Variants in EXOC2 observed in about 807,000 individuals in gnomAD.
EXOC2 encodes exocyst complex component 2, also known as SEC5-like 1.
EXOC2 carries 70 observed loss-of-function variants against 131.8 expected under a neutral mutation model. That is an observed-to-expected ratio of 0.53 (90% confidence interval 0.44 to 0.65). EXOC2 has a LOEUF of 0.65. Ranked by LOEUF, EXOC2 falls within the 30% of genes least tolerant of loss-of-function variation. EXOC2 has a pLI of 0.00. For synonymous variants in EXOC2, 411 were observed against 398.4 expected (o/e 1.03, Z -0.38); for missense variants, 923 against 1,108.6 (o/e 0.83, Z 2.38).
chr6:655,025 G>C (rs1188393312), intron 1 of EXOC2, among the ~76,000 whole-genome samples: 1 of 152,064 alleles, frequency 6.6e-6, no homozygotes, highest in Non-Finnish European at 1.5e-5. Flanking sequence ...GTATAAACTT[G>C]GTTGATAAAC....
intron 23 of EXOC2, among the ~76,000 whole-genome samples, chr6:522,397 T>G (rs1464995877): frequency 6.9e-6 from 1 of 145,958 alleles, no homozygotes; most frequent in East Asian, 2.1e-4. Context: ...TGGGGAGCAC[T>G]GTGAGCTGGG....
At chr6:497,970 G>C (rs1424707147) in intron 24 of EXOC2, among the ~76,000 whole-genome samples, 1 of 152,068 alleles carries the variant, frequency 6.6e-6, no homozygotes, top group Non-Finnish European at 1.5e-5. Flanking sequence ...TACACATACT[G>C]TACTCAATAT....
At chr6:628,947 A>G (rs1761713215) in intron 4 of EXOC2, among the ~76,000 whole-genome samples, 2 of 152,200 alleles carry the variant, frequency 1.3e-5, no homozygotes, top group South Asian at 2.1e-4. Context: ...TGAAGCTGCT[A>G]AGCCCCAGAC....
chr6:683,138 A>C (rs1028109585), intron 1 of EXOC2, among the ~76,000 whole-genome samples: 1 of 152,226 alleles, frequency 6.6e-6, no homozygotes, highest in African/African-American at 2.4e-5. Flanking sequence ...CAAGCTAAAC[A>C]GACTGACCTT....
At chr6:662,954 G>A (rs532119966) in intron 1 of EXOC2, among the ~76,000 whole-genome samples, 1 of 152,078 alleles carries the variant, frequency 6.6e-6, no homozygotes, top group African/African-American at 2.4e-5. Flanking sequence ...TCACACCACT[G>A]CACTCCAGCC....
intron 22 of EXOC2, among the ~76,000 whole-genome samples, chr6:548,728 A>C (rs538984614): frequency 6.6e-6 from 1 of 152,340 alleles, no homozygotes; most frequent in East Asian, 1.9e-4. Flanking sequence ...GAGGTCATAC[A>C]GAAAGGGAGA....
chr6:629,606 A>G (rs1761743093), intron 4 of EXOC2, among the ~76,000 whole-genome samples: 1 of 152,230 alleles, frequency 6.6e-6, no homozygotes, highest in South Asian at 2.1e-4. Context: ...TGCAAAATCA[A>G]AAAACTGAAG....
intron 13 of EXOC2, among the ~76,000 whole-genome samples, chr6:566,903 G>GAA (rs1757995697): frequency 2.6e-5 from 4 of 152,082 alleles, no homozygotes; most frequent in African/African-American, 7.2e-5. Flanking sequence ...GGTCTTTCTG[G>GAA]CTTGGCATAC....
chr6:489,012 G>A lies in EXOC2; in HGVS notation c.2648C>T (p.Ala883Val), dbSNP rs771285768. The A allele has an allele frequency of 1.2e-6, 2 of 1,613,962 alleles. No homozygotes were observed. The highest frequency in any genetic ancestry group is 1.1e-5 in the South Asian group (1 of 91,022). The change falls in exon 27 of 28, where the codon GCC becomes GTC. Residue 883 changes from alanine to valine, a missense_variant. By Grantham distance (64) the Ala-to-Val change is moderately conservative. Transcript: ENST00000230449. ...SKSSFKQALE[A>V]LPQLSSGADK... ...TGCTCCACTGGAAAGCTGGGGCAGG[G>A]CTTCCAAAGCCTGCTTAAAACTTGA...
At chr6:513,083 C>T (rs1764942717) in intron 23 of EXOC2, among the ~76,000 whole-genome samples, 1 of 152,212 alleles carries the variant, frequency 6.6e-6, no homozygotes, top group African/African-American at 2.4e-5. Flanking sequence ...TCAGGTATTT[C>T]CAGCAGAGCC....
intron 24 of EXOC2, 95 bp from the exon 25 acceptor site, chr6:497,584 T>C: frequency 1.4e-6 from 2 of 1,453,688 alleles, no homozygotes; most frequent in Admixed American, 2.4e-5. Flanking sequence ...CAAAAGAAAA[T>C]CAACAGGACT....
chr6:644,847 A>G (rs1053016825), intron 1 of EXOC2, among the ~76,000 whole-genome samples: 2 of 152,192 alleles, frequency 1.3e-5, no homozygotes, highest in East Asian at 3.8e-4. Context: ...AAAGACCTAA[A>G]TAAGTGAAGA....
At chr6:657,229 A>C in intron 1 of EXOC2, 1 of 317,412 alleles carries the variant, frequency 3.2e-6, no homozygotes, top group Non-Finnish European at 5.7e-6. Context: ...TAGGCATTCC[A>C]CTGCTGAAAC....
intron 9 of EXOC2, 62 bp downstream of exon 9, chr6:598,798 A>G: frequency 7.5e-7 from 1 of 1,341,080 alleles, no homozygotes; most frequent in Non-Finnish European, 1.0e-6. Flanking sequence ...TTTGCAGAAC[A>G]CATTCCACAT....
At chr6:545,808 C>G (rs1360626170) in intron 22 of EXOC2, among the ~76,000 whole-genome samples, 1 of 152,096 alleles carries the variant, frequency 6.6e-6, no homozygotes, top group Non-Finnish European at 1.5e-5. Context: ...TAAAAATAAC[C>G]TTAAGGTTAC....
chr6:535,866 C>T (rs1325874042), intron 22 of EXOC2, among the ~76,000 whole-genome samples: 2 of 152,156 alleles, frequency 1.3e-5, no homozygotes, highest in African/African-American at 4.8e-5. Flanking sequence ...CGCCAATAGC[C>T]TTCATGAACA....
At chr6:529,549 C>T (rs765080525) in intron 23 of EXOC2, among the ~76,000 whole-genome samples, 20 of 152,126 alleles carry the variant, frequency 1.3e-4, no homozygotes, top group East Asian at 3.8e-4. Context: ...ATCACTGAAG[C>T]GCAGGAAACT....
chr6:522,454 C>T (rs1765522458), intron 23 of EXOC2, among the ~76,000 whole-genome samples: 1 of 148,590 alleles, frequency 6.7e-6, no homozygotes, highest in Non-Finnish European at 1.5e-5. Flanking sequence ...CTCTAGGTCT[C>T]AGGCAGGTCC....
At chr6:526,137 A>ACACACACACG (rs988711304) in intron 23 of EXOC2, among the ~76,000 whole-genome samples, 1 of 152,172 alleles carries the variant, frequency 6.6e-6, no homozygotes, top group Admixed American at 6.5e-5. Context: ...ATGTGTGCAT[A>ACACACACACG]CACACACACG....
Sources: gnomAD v4.1 joint callset for allele counts (sites outside exome capture counted in the v4.1 genomes callset) on GRCh38, gnomAD v4.1.1 for gene constraint, MANE v1.5 for transcripts, NCBI Gene and HGNC (gene_info 2026-07-23, HGNC 2026-07-21) for gene names.